Variants in KIAA2012 observed in about 807,000 individuals in gnomAD.
KIAA2012 encodes uncharacterized protein KIAA2012.
A neutral mutation model predicts 150.6 loss-of-function variants in KIAA2012; 125 were observed. That is an observed-to-expected ratio of 0.83 (90% CI 0.72 to 0.96). KIAA2012 has a LOEUF of 0.96. Ranked by LOEUF, KIAA2012 falls within the 40% of genes least tolerant of loss-of-function variation. The probability of loss-of-function intolerance (pLI) is 0.00; values close to 1 mark genes in which losing one functional copy is unlikely to be tolerated. For synonymous variants in KIAA2012, 462 were observed against 504.7 expected (o/e 0.92, Z 1.13); for missense variants, 1,219 against 1,354.9 (o/e 0.90, Z 1.57).
chr2:202,197,707 TC>T (rs1178067060), intron 22 of KIAA2012: 1 of 150,988 alleles, frequency 6.6e-6, no homozygotes, highest in East Asian at 1.9e-4. Context: ...ACAAAAAAAA[TC>T]AAAAAATTAG....
intron 13 of KIAA2012, among the ~76,000 whole-genome samples, chr2:202,143,956 G>C (rs1040180978): frequency 6.6e-6 from 1 of 152,146 alleles, no homozygotes; most frequent in Admixed American, 6.5e-5. Flanking sequence ...AAAGAGGGGC[G>C]CTTGAGCCCA....
At chr2:202,184,191 C>T (rs1025391029) in intron 15 of KIAA2012, among the ~76,000 whole-genome samples, 1 of 152,140 alleles carries the variant, frequency 6.6e-6, no homozygotes, top group East Asian at 1.9e-4. Flanking sequence ...CAAGACCAGC[C>T]TGGCCAATAT....
In KIAA2012 at chr2:202,090,858, C is replaced by T; in HGVS notation, c.458C>T (p.Ser153Leu). The part of the protein sequence containing the change: ...QAQRQIQPGH[S>L]AKRYLRGLLR... The stretch of plus-strand genomic sequence containing the variant: ...CAACGGCAGATCCAGCCAGGGCATT[C>T]AGCCAAGAGATACCTCCGAGGCCTC... The change falls in exon 3 of 24, where the codon TCA becomes TTA. Residue 153 changes from serine to leucine, a missense_variant. By Grantham distance (145) the Ser-to-Leu change is moderately radical. Coordinates refer to ENST00000498697, the MANE Select transcript of KIAA2012 (RefSeq NM_001277372.4). The T allele has an allele frequency of 2.6e-6, 4 of 1,550,624 alleles. No individual in the cohort carries two copies. Among genetic ancestry groups the T allele is most frequent in the Non-Finnish European group, 2.6e-6 (3 of 1,146,984 alleles).
intron 10 of KIAA2012, among the ~76,000 whole-genome samples, chr2:202,110,784 C>T (rs1047188759): frequency 2.6e-5 from 4 of 152,084 alleles, no homozygotes; most frequent in Non-Finnish European, 5.9e-5. Flanking sequence ...CTCTGTCTCC[C>T]CCACTGCCCA....
At chr2:202,187,162 G>A (rs1255736231) in intron 17 of KIAA2012, 64 bp downstream of exon 17, 2 of 1,517,730 alleles carry the variant, frequency 1.3e-6, no homozygotes, top group Non-Finnish European at 1.8e-6. Context: ...AGGATACCAT[G>A]CACAGTTGTA....
At chr2:202,151,027 G>A (rs1322293524) in intron 13 of KIAA2012, among the ~76,000 whole-genome samples, 1 of 152,150 alleles carries the variant, frequency 6.6e-6, no homozygotes. Context: ...ATGGAGCCCA[G>A]AAGACTGGGG....
Position 202,102,944 on chromosome 2 carries a change from A to G in KIAA2012, c.1156-2A>G, listed in dbSNP as rs1216272444. ...ATCGTTTTGTTTTTAAATTTTCTCC[A>G]GGCACCAAAGGCTTTGAAATTACCT... On this transcript the variant is annotated splice_acceptor_variant, in intron 7 of 23. Coordinates refer to ENST00000498697, the MANE Select transcript of KIAA2012 (RefSeq NM_001277372.4). LOFTEE classifies it high-confidence loss of function. 5 of 1,547,556 alleles carry G rather than the reference A, an allele frequency of 3.2e-6. No individual in the cohort carries two copies. The African/African-American group carries it at 5.5e-5, about 17-fold the overall frequency.
chr2:202,080,272 T>C (rs151251321), intron 2 of KIAA2012, among the ~76,000 whole-genome samples: 1 of 152,352 alleles, frequency 6.6e-6, no homozygotes, highest in East Asian at 1.9e-4. Flanking sequence ...AGATTTTTAT[T>C]AAAATTAATT....
chr2:202,133,130 A>ATTTTTTTTTTTTTTTT (rs60064904), intron 12 of KIAA2012, among the ~76,000 whole-genome samples: 19 of 67,660 alleles, frequency 2.8e-4, no homozygotes, highest in Non-Finnish European at 4.1e-4. Flanking sequence ...ATATATATAT[A>ATTTTTTTTTTTTTTTT]TTTTTTTTTT....
intron 12 of KIAA2012, chr2:202,136,359 G>A (rs1379502421): frequency 6.5e-6 from 1 of 154,176 alleles, no homozygotes; most frequent in Non-Finnish European, 1.4e-5. Context: ...CCTCCTGTCT[G>A]GCGTTGTTCG....
chr2:202,102,190 G>T (rs749920775), intron 7 of KIAA2012, among the ~76,000 whole-genome samples: 6 of 150,520 alleles, frequency 4.0e-5, no homozygotes, highest in Non-Finnish European at 8.9e-5. Flanking sequence ...ACACATACAC[G>T]CACACACACA....
chr2:202,097,722 TG>T, intron 5 of KIAA2012, 145 bp downstream of exon 5: 1 of 941,268 alleles, frequency 1.1e-6, no homozygotes, highest in African/African-American at 1.7e-5. Context: ...CCTGAATAGC[TG>T]GGACTACAGG....
At chr2:202,131,285 G>A (rs574999486) in intron 12 of KIAA2012, among the ~76,000 whole-genome samples, 7 of 152,140 alleles carry the variant, frequency 4.6e-5, no homozygotes, top group Admixed American at 2.0e-4. Flanking sequence ...GATTACAGGC[G>A]CACGCCACCA....
chr2:202,185,792 A>G (rs1308413553), intron 16 of KIAA2012, among the ~76,000 whole-genome samples: 3 of 152,116 alleles, frequency 2.0e-5, no homozygotes, highest in Non-Finnish European at 2.9e-5. Context: ...CAGCATACCT[A>G]TTCCTCAGGG....
At chr2:202,149,279 C>G (rs1227205580) in intron 13 of KIAA2012, among the ~76,000 whole-genome samples, 1 of 152,164 alleles carries the variant, frequency 6.6e-6, no homozygotes, top group Non-Finnish European at 1.5e-5. Context: ...CTGACTCTTC[C>G]TTTTGTTTAC....
Position 202,103,006 on chromosome 2 carries a change from C to G in KIAA2012, c.1216C>G (p.Leu406Val). The G allele has an allele frequency of 6.4e-7, 1 of 1,550,566 alleles. No individual in the cohort carries two copies. Among genetic ancestry groups the G allele is most frequent in the Non-Finnish European group, 8.7e-7 (1 of 1,146,984 alleles). ...SEEPPRVLEP[L>V]KSQFKANEPP... ...AGAACCACCCAGAGTCTTGGAGCCC[C>G]TGAAGAGCCAATTTAAAGCCAATGA... is the stretch of plus-strand genomic sequence containing the variant. The change falls in exon 8 of 24, where the codon CTG (leucine) becomes GTG (valine). Residue 406 changes from leucine to valine, a missense_variant. Coordinates refer to ENST00000498697, the MANE Select transcript of KIAA2012 (RefSeq NM_001277372.4).
At chr2:202,155,657 G>A (rs1691512280) in intron 14 of KIAA2012, among the ~76,000 whole-genome samples, 1 of 152,212 alleles carries the variant, frequency 6.6e-6, no homozygotes. Flanking sequence ...GAATGGGGCA[G>A]AAGAAACCAA....
intron 13 of KIAA2012, among the ~76,000 whole-genome samples, chr2:202,141,740 T>C (rs1028861265): frequency 5.9e-5 from 9 of 152,198 alleles, no homozygotes; most frequent in African/African-American, 2.2e-4. Context: ...CGGGATACTT[T>C]CAGAGACAGA....
rs921563544 is a variant in KIAA2012, at chr2:202,193,349, C to T, written c.2860C>T (p.Arg954Ter). 2.0e-5 allele frequency: 31 copies of T among 1,549,914 alleles called. No homozygotes were observed. The highest frequency in any genetic ancestry group is 2.5e-5 in the Non-Finnish European group (29 of 1,146,808). The change falls in exon 20 of 24, where the codon CGA (arginine) becomes TGA (stop). Residue 954 changes from arginine to a stop codon, truncating the protein, a stop_gained. Coordinates refer to ENST00000498697, the MANE Select transcript of KIAA2012 (RefSeq NM_001277372.4). LOFTEE classifies it high-confidence loss of function. ...GGAGAAGGCTTCCTGGGACAGGCTT[C>T]GAGCAGAAAGAGCCGAGATGAGGTG... Reference protein sequence around the residue: ...EQEKASWDRLRAERAEMRWLE... With the variant: ...EQEKASWDRL
Sources: gnomAD v4.1 joint callset for allele counts (sites outside exome capture counted in the v4.1 genomes callset) on GRCh38, gnomAD v4.1.1 for gene constraint, MANE v1.5 for transcripts, NCBI Gene and HGNC (gene_info 2026-07-23, HGNC 2026-07-21) for gene names.